The following ADAM28 variants were observed in gnomAD, a reference collection of about 807,000 sequenced individuals.
ADAM28 encodes disintegrin and metalloproteinase domain-containing protein 28.
Under a neutral mutation model 101.2 loss-of-function variants are expected in ADAM28, and 105 were observed. That is an observed-to-expected ratio of 1.04 (90% CI 0.89 to 1.22). The LOEUF is 1.22. Ranked by LOEUF, ADAM28 falls within the 50% of genes most tolerant of loss-of-function variation. The probability of loss-of-function intolerance (pLI) is 0.00; values close to 1 mark genes in which losing one functional copy is unlikely to be tolerated. For missense variants in ADAM28, 1,028 were observed against 945.4 expected, an observed-to-expected ratio of 1.09 and a Z score of -1.15; for synonymous variants, 322 against 310.6, an observed-to-expected ratio of 1.04 and a Z score of -0.39.
intron 18 of ADAM28, among the ~76,000 whole-genome samples, chr8:24,344,290 G>C (rs1815148966): frequency 6.6e-6 from 1 of 152,134 alleles, no homozygotes; most frequent in South Asian, 2.1e-4. Flanking sequence ...ATTTTCTCCT[G>C]AGAGAGCTGC....
At chr8:24,338,732 G>C (rs1192527834) in intron 14 of ADAM28, among the ~76,000 whole-genome samples, 1 of 152,132 alleles carries the variant, frequency 6.6e-6, no homozygotes, top group Non-Finnish European at 1.5e-5. Flanking sequence ...AAACGTTTAA[G>C]ACAGAATTAC....
intron 7 of ADAM28, 76 bp from the exon 8 acceptor site, chr8:24,321,142 G>C: frequency 3.7e-6 from 3 of 812,838 alleles, no homozygotes; most frequent in Non-Finnish European, 6.2e-6. Context: ...AGTAATATAA[G>C]AGAAGATGCC....
At chr8:24,348,032 T>C (rs1288180781) in intron 18 of ADAM28, among the ~76,000 whole-genome samples, 2 of 152,156 alleles carry the variant, frequency 1.3e-5, no homozygotes, top group Non-Finnish European at 2.9e-5. Flanking sequence ...ATGTAATTAC[T>C]GATGTACTTG....
chr8:24,336,149 A>G, intron 14 of ADAM28: 1 of 985,694 alleles, frequency 1.0e-6, no homozygotes, highest in Non-Finnish European at 1.2e-6. Context: ...AAGCCAATAA[A>G]GAAAAGTGAA....
intron 2 of ADAM28, among the ~76,000 whole-genome samples, chr8:24,300,433 T>C (rs924085855): frequency 6.6e-6 from 1 of 152,134 alleles, no homozygotes; most frequent in African/African-American, 2.4e-5. Flanking sequence ...TGTTTTTTTT[T>C]CCAGACAGAG....
chr8:24,302,100 C>G (rs535339533), intron 2 of ADAM28, among the ~76,000 whole-genome samples: 1 of 152,164 alleles, frequency 6.6e-6, no homozygotes, highest in African/African-American at 2.4e-5. Flanking sequence ...CTTGCCCCGC[C>G]GCCTACCACT....
intron 18 of ADAM28, among the ~76,000 whole-genome samples, chr8:24,344,001 G>A (rs1393368869): frequency 2.6e-5 from 4 of 152,142 alleles, no homozygotes; most frequent in Non-Finnish European, 4.4e-5. Flanking sequence ...TTGTCACCAC[G>A]TCACTTGTAT....
chr8:24,351,119 A>C (rs940334586), intron 19 of ADAM28, 113 bp from the exon 20 acceptor site: 8 of 821,394 alleles, frequency 9.7e-6, no homozygotes, highest in Non-Finnish European at 1.5e-5. Flanking sequence ...AAACCCAGGC[A>C]ATAGGCAAGA....
At chr8:24,296,295 G>C (rs1807954487) in intron 1 of ADAM28, 1 of 151,894 alleles carries the variant, frequency 6.6e-6, no homozygotes. Context: ...CAAAATAACA[G>C]ACCTAATAGA....
intron 13 of ADAM28, among the ~76,000 whole-genome samples, chr8:24,335,161 T>A (rs1391487660): frequency 2.6e-5 from 4 of 150,948 alleles, no homozygotes; most frequent in Admixed American, 2.6e-4. Context: ...TCTAAGTTGT[T>A]GCCTGTTTTT....
rs749300924 is a variant in ADAM28, at chr8:24,353,815, C to G, written c.2290C>G (p.Pro764Ala). Residue 764 changes from proline (P) to alanine (A), a missense_variant, in exon 22 of 23, where the codon CCA becomes GCA. Physicochemically the swap from Pro to Ala is conservative, Grantham distance 27. Transcript: ENST00000265769. ...TCCCCCTACTGTTTTCAAGGATAATCCAGTGTCTACACCTAAGGTAAGAGA... is the reference window on the plus strand; with the variant it reads ...TCCCCCTACTGTTTTCAAGGATAATGCAGTGTCTACACCTAAGGTAAGAGA... Reference protein sequence around the residue: ...ALPPTVFKDNPVSTPKDSNPK... With the variant: ...ALPPTVFKDNAVSTPKDSNPK... The G allele has an allele frequency of 5.9e-6, 9 of 1,522,556 alleles. No individual in the cohort carries two copies. Among genetic ancestry groups the G allele is most frequent in the South Asian group, 5.6e-5 (5 of 89,180 alleles). The allele number at this position is 1,522,556 out of a possible 1,614,324, so 94.3% of individuals were successfully genotyped here.
Position 24,339,487 on chromosome 8 carries a change from C to G in ADAM28, c.1589C>G (p.Ser530Ter). Residue 530 changes from serine to a stop codon, truncating the protein, a stop_gained, in exon 15 of 23, where the codon TCA becomes TGA. Transcript: ENST00000265769. LOFTEE classifies it high-confidence loss of function. ...WGPGTEVADK[S>*]CYNRNEGGSK... ...CCAGGAACTGAGGTTGCAGATAAGT[C>G]ATGTTACAACAGGAATGAAGGTGGG... 6.2e-7 allele frequency: 1 copy of G among 1,613,218 alleles called. No homozygotes were observed. The highest frequency in any genetic ancestry group is 8.5e-7 in the Non-Finnish European group (1 of 1,179,546).
At chr8:24,326,524 T>A in intron 9 of ADAM28, 30 bp from the exon 10 acceptor site, 1 of 1,599,446 alleles carries the variant, frequency 6.3e-7, no homozygotes, top group Non-Finnish European at 8.6e-7. Context: ...GCATTATAAT[T>A]TGTTACATCA....
intron 2 of ADAM28, among the ~76,000 whole-genome samples, chr8:24,304,212 T>A (rs1275310900): frequency 6.7e-6 from 1 of 149,376 alleles, no homozygotes; most frequent in Non-Finnish European, 1.5e-5. Flanking sequence ...ATAGACTAGT[T>A]ACTGGCTCAT....
chr8:24,297,159 GT>G (rs201347512), intron 1 of ADAM28, among the ~76,000 whole-genome samples: 3 of 144,548 alleles, frequency 2.1e-5, no homozygotes, highest in African/African-American at 5.3e-5. Context: ...AATGTTGTGG[GT>G]TTTTTTTTGT....
intron 2 of ADAM28, among the ~76,000 whole-genome samples, chr8:24,309,379 A>G (rs1810132338): frequency 6.6e-6 from 1 of 152,102 alleles, no homozygotes; most frequent in Admixed American, 6.6e-5. Flanking sequence ...TGTGTACACT[A>G]TTCCTTCTAA....
intron 8 of ADAM28, chr8:24,322,618 A>G (rs1391531405): frequency 6.6e-6 from 1 of 152,026 alleles, no homozygotes; most frequent in Non-Finnish European, 1.5e-5. Context: ...AGGAAGAGAG[A>G]TGTAGAGGCA....
At chr8:24,352,829 C>G (rs1376945525) in intron 21 of ADAM28, among the ~76,000 whole-genome samples, 1 of 152,140 alleles carries the variant, frequency 6.6e-6, no homozygotes, top group Non-Finnish European at 1.5e-5. Flanking sequence ...AGGACCCTAT[C>G]TTTGAATGTA....
intron 5 of ADAM28, among the ~76,000 whole-genome samples, chr8:24,311,706 T>A (rs1221102269): frequency 6.6e-6 from 1 of 152,126 alleles, no homozygotes; most frequent in African/African-American, 2.4e-5. Context: ...AATCTTTAGG[T>A]AATGGGAGCT....
Sources: gnomAD v4.1 joint callset for allele counts (sites outside exome capture counted in the v4.1 genomes callset) on GRCh38, gnomAD v4.1.1 for gene constraint, MANE v1.5 for transcripts, NCBI Gene and HGNC (gene_info 2026-07-23, HGNC 2026-07-21) for gene names.